MDGA2: variants seen among roughly 807,000 people sequenced by gnomAD.
The protein encoded by MDGA2 is MAM domain-containing glycosylphosphatidylinositol anchor protein 2.
Under a neutral mutation model 117.8 loss-of-function variants are expected in MDGA2, and 40 were observed. The ratio of observed to expected loss-of-function variants is 0.34; its 90% CI spans 0.26 to 0.44. MDGA2 has a LOEUF of 0.44. MDGA2 is among the 20% of genes least tolerant of loss of function. MDGA2 has a pLI of 1.00. For missense variants in MDGA2, 1,123 were observed against 1,250.6 expected (o/e 0.90, Z 1.54); for synonymous variants, 452 against 439.0 (o/e 1.03, Z -0.37).
chr14:46,941,199 C>G (rs1371001896), intron 9 of MDGA2, among the ~76,000 whole-genome samples: 3 of 152,142 alleles, frequency 2.0e-5, no homozygotes, highest in African/African-American at 4.8e-5. Context: ...TAGTAACTGT[C>G]TTTGTCATAC....
intron 5 of MDGA2, among the ~76,000 whole-genome samples, chr14:47,105,729 C>G (rs554979977): frequency 6.7e-6 from 1 of 149,930 alleles, no homozygotes; most frequent in Non-Finnish European, 1.5e-5. Flanking sequence ...ACCAGTGCAA[C>G]TCGTCCCAAA....
At chr14:47,255,372 C>T (rs970142442) in intron 2 of MDGA2, among the ~76,000 whole-genome samples, 1 of 152,094 alleles carries the variant, frequency 6.6e-6, no homozygotes, top group African/African-American at 2.4e-5. Flanking sequence ...GACTGTGTGC[C>T]TTACAGGTAG....
At position 47,289,166 on chromosome 14, in the gene MDGA2, C is replaced by A. The variant is rs112842683; in HGVS notation, c.420+12245G>T. ...GTAAATTAATTGTCTTAATTGGCAT[C>A]TTTAATGTGCTAACCAAAAGTGAAA... is the stretch of plus-strand genomic sequence containing the variant. On this transcript the variant is annotated intron_variant, in intron 2 of 16. Transcript: ENST00000399232. Among the ~76,000 whole-genome samples the A allele has an allele frequency of 1.1e-3, 163 of 151,930 alleles. 1 individual carries two copies. The highest frequency in any genetic ancestry group is 3.9e-3 in the African/African-American group (160 of 41,452).
chr14:47,464,151 T>C, intron 1 of MDGA2, among the ~76,000 whole-genome samples: 1 of 146,962 alleles, frequency 6.8e-6, no homozygotes, highest in East Asian at 2.0e-4. Flanking sequence ...ACACAGAGCC[T>C]CTGTTGCTTT....
intron 10 of MDGA2, among the ~76,000 whole-genome samples, chr14:46,891,276 A>G (rs1209208884): frequency 6.6e-6 from 1 of 151,842 alleles, no homozygotes; most frequent in African/African-American, 2.4e-5. Flanking sequence ...TTCTATTAAA[A>G]TGTGTAGAAT....
chr14:47,288,814 C>T (rs1226903170), intron 2 of MDGA2, among the ~76,000 whole-genome samples: 1 of 151,718 alleles, frequency 6.6e-6, no homozygotes. Context: ...TTTTTCGGTT[C>T]TGGAAATACA....
At position 46,971,456 on chromosome 14, in the gene MDGA2, C is replaced by T. The variant is rs2138333301; in HGVS notation, c.1820-13813G>A. Reference sequence around the variant, plus strand: ...TATCTTAAGTGAGATAAGACAGTCACAGAAAGACAAATACCACATATTCTC... The same window carrying T: ...TATCTTAAGTGAGATAAGACAGTCATAGAAAGACAAATACCACATATTCTC... On this transcript the variant is annotated intron_variant, in intron 8 of 16. Coordinates refer to ENST00000399232, the MANE Select transcript of MDGA2 (RefSeq NM_001113498.3). Among the ~76,000 whole-genome samples, 3 of 152,138 alleles carry T rather than the reference C, an allele frequency of 2.0e-5. No individual in the cohort carries two copies. In the East Asian group the frequency reaches 5.8e-4, roughly 29 times the overall value.
chr14:47,223,474 G>C (rs1194627304), intron 2 of MDGA2, among the ~76,000 whole-genome samples: 1 of 152,134 alleles, frequency 6.6e-6, no homozygotes, highest in Non-Finnish European at 1.5e-5. Context: ...GCAAAAAGCA[G>C]CTGCTACTTG....
At chr14:47,162,688 T>C (rs1359167262) in intron 3 of MDGA2, among the ~76,000 whole-genome samples, 1 of 152,164 alleles carries the variant, frequency 6.6e-6, no homozygotes, top group East Asian at 1.9e-4. Context: ...CCGGTATTTG[T>C]ATATTATTTC....
intron 2 of MDGA2, among the ~76,000 whole-genome samples, chr14:47,250,999 T>C (rs1866212860): frequency 6.6e-6 from 1 of 152,194 alleles, no homozygotes; most frequent in Non-Finnish European, 1.5e-5. Flanking sequence ...GCTTTCATTC[T>C]TTCTTCCCCT....
chr14:47,126,784 T>C (rs1881925447), intron 5 of MDGA2, among the ~76,000 whole-genome samples: 1 of 152,160 alleles, frequency 6.6e-6, no homozygotes, highest in African/African-American at 2.4e-5. Context: ...GGAAGTCTAG[T>C]TCAGCAGGTA....
chr14:47,085,339 A>G (rs890159864), intron 6 of MDGA2, among the ~76,000 whole-genome samples: 1 of 152,192 alleles, frequency 6.6e-6, no homozygotes, highest in African/African-American at 2.4e-5. Flanking sequence ...ATGTACAACA[A>G]TCAAGAAAAC....
At chr14:47,010,344 G>GAA (rs79038766) in intron 8 of MDGA2, among the ~76,000 whole-genome samples, 32 of 151,590 alleles carry the variant, frequency 2.1e-4, no homozygotes, top group Admixed American at 2.6e-4. Flanking sequence ...AAGATCTTAG[G>GAA]AAAAAAATAG....
At chr14:47,200,838 A>AT (rs1885476451) in intron 3 of MDGA2, 2 of 823,826 alleles carry the variant, frequency 2.4e-6, no homozygotes, top group Admixed American at 1.8e-5. Flanking sequence ...GCCACCATCC[A>AT]TTTTTTCTTG....
chr14:47,608,137 G>A (rs180724804), intron 1 of MDGA2, among the ~76,000 whole-genome samples: 1 of 152,118 alleles, frequency 6.6e-6, no homozygotes, highest in African/African-American at 2.4e-5. Flanking sequence ...TCTCCATTGA[G>A]TAATACCTTT....
At chr14:46,870,630 T>C (rs1881957795) in intron 14 of MDGA2, among the ~76,000 whole-genome samples, 1 of 151,896 alleles carries the variant, frequency 6.6e-6, no homozygotes, top group African/African-American at 2.4e-5. Context: ...ATACCCAGCC[T>C]GCAACCTTCA....
chr14:46,897,682 G>T (rs1163674841), intron 10 of MDGA2, among the ~76,000 whole-genome samples: 33 of 67,064 alleles, frequency 4.9e-4, no homozygotes, highest in Non-Finnish European at 1.2e-3. Flanking sequence ...GTTAGCTAAT[G>T]CAATAATAAC....
At chr14:47,588,214 T>A (rs1896362619) in intron 1 of MDGA2, among the ~76,000 whole-genome samples, 1 of 143,048 alleles carries the variant, frequency 7.0e-6, no homozygotes, top group South Asian at 2.2e-4. Context: ...AAACTATATT[T>A]TCAAATCTCT....
chr14:46,956,498 A>G (rs918515352), intron 9 of MDGA2, among the ~76,000 whole-genome samples: 1 of 152,134 alleles, frequency 6.6e-6, no homozygotes, highest in African/African-American at 2.4e-5. Context: ...ATATTTGTAA[A>G]CATATGGCCA....
Sources: gnomAD v4.1 joint callset for allele counts (sites outside exome capture counted in the v4.1 genomes callset) on GRCh38, gnomAD v4.1.1 for gene constraint, MANE v1.5 for transcripts, NCBI Gene and HGNC (gene_info 2026-07-23, HGNC 2026-07-21) for gene names.